Variants in UTP14C observed in about 807,000 individuals in gnomAD.
UTP14C encodes U3 small nucleolar RNA-associated protein 14 homolog C.
UTP14C carries 10 observed loss-of-function variants against 14.6 expected under a neutral mutation model. The observed-to-expected ratio is 0.68, with a 90% CI of 0.42 to 1.16. The LOEUF (loss-of-function observed/expected upper bound fraction) is 1.16, where lower values mean the gene tolerates loss of function less well. UTP14C is among the 50% of genes most tolerant of loss of function. The pLI is 0.00. For missense variants in UTP14C, 818 were observed against 890.8 expected, an observed-to-expected ratio of 0.92 and a Z score of 1.04; for synonymous variants, 315 against 331.6, an observed-to-expected ratio of 0.95 and a Z score of 0.54.
intron 1 of UTP14C, among the ~76,000 whole-genome samples, chr13:52,028,076 T>C (rs1009312011): frequency 6.6e-6 from 1 of 151,698 alleles, no homozygotes; most frequent in African/African-American, 2.4e-5. Flanking sequence ...CTGGGCAACA[T>C]AGTGAGACCC....
In UTP14C at chr13:52,031,155, T is replaced by G; in HGVS notation, c.*50T>G. On this transcript the variant is annotated 3_prime_UTR_variant, in exon 2 of 2. Coordinates refer to ENST00000521776, the MANE Select transcript of UTP14C (RefSeq NM_021645.6). ...TCAGGGGCCCTGATTCCACTTCCTT[T>G]GGTCCAGTTTTACTCTGCTACAGGG... is the stretch of plus-strand genomic sequence containing the variant. 1 of 1,560,534 alleles carries G rather than the reference T, an allele frequency of 6.4e-7. No individual in the cohort carries two copies.
At position 52,031,444 on chromosome 13, in the gene UTP14C, CT is replaced by C; in HGVS notation, c.*342del. The C allele has an allele frequency of 3.6e-6, 1 of 274,036 alleles. No individual in the cohort carries two copies. Among genetic ancestry groups the C allele is most frequent in the Non-Finnish European group, 7.4e-6 (1 of 135,724 alleles). The allele number at this position is 274,036 out of a possible 1,614,324, so 17.0% of individuals were successfully genotyped here. A position where few individuals can be genotyped will look rare whatever the true frequency, so the allele number is the denominator to read the frequency against. ...AGTCAAGAGGTGGGACTGACTGATGCTTTATAGGTGTGTGTAGGGTGGTAGA... is the reference window on the plus strand; with the variant it reads ...AGTCAAGAGGTGGGACTGACTGATGCTTATAGGTGTGTGTAGGGTGGTAGA... On this transcript the variant is annotated 3_prime_UTR_variant, in exon 2 of 2. Coordinates refer to ENST00000521776, the MANE Select transcript of UTP14C (RefSeq NM_021645.6).
In UTP14C at chr13:52,030,176, T is replaced by A. The variant is rs777246553; in HGVS notation, c.1372T>A (p.Leu458Met). The change falls in exon 2 of 2, where the codon TTG becomes ATG. Residue 458 changes from leucine to methionine, a missense_variant. By Grantham distance (15) the Leu-to-Met change is conservative. Coordinates refer to ENST00000521776, the MANE Select transcript of UTP14C (RefSeq NM_021645.6). ...TAGCAGCCAGGAGGTGCTGTCCGAA[T>A]TGAGGGCACTATCTCAGAAATTGAA... Reference protein sequence around the residue: ...DSSSQEVLSELRALSQKLKEK... With the variant: ...DSSSQEVLSEMRALSQKLKEK... The A allele has an allele frequency of 6.2e-7, 1 of 1,613,876 alleles. No homozygotes were observed.
chr13:52,031,340 AC>A lies in UTP14C; in HGVS notation c.*238del. On this transcript the variant is annotated 3_prime_UTR_variant, in exon 2 of 2. Transcript: ENST00000521776. The stretch of plus-strand genomic sequence containing the variant: ...TAAATTCTAAACAATACAGTGGATG[AC>A]CCTTTTGAATATACCTAATGATTTC... The A allele has an allele frequency of 1.7e-6, 1 of 590,018 alleles. No individual in the cohort carries two copies. The highest frequency in any genetic ancestry group is 2.9e-6 in the Non-Finnish European group (1 of 348,628). 36.5% of individuals were successfully genotyped at this position (590,018 alleles called of 1,614,324 possible).
At position 52,029,975 on chromosome 13, in the gene UTP14C, C is replaced by T. The variant is rs368642577; in HGVS notation, c.1171C>T (p.Pro391Ser). The T allele has an allele frequency of 7.4e-6, 12 of 1,614,020 alleles. No individual in the cohort carries two copies. In the East Asian group the frequency reaches 1.6e-4, roughly 21 times the overall value. Residue 391 changes from proline to serine, a missense_variant, in exon 2 of 2, where the codon CCT becomes TCT. By Grantham distance (74) the Pro-to-Ser change is moderately conservative. Transcript: ENST00000521776. Reference protein sequence around the residue: ...DTKEAATQEDPEQVPELAAHE... With the variant: ...DTKEAATQEDSEQVPELAAHE... ...CAAAGAGGCTGCAACACAGGAGGAC[C>T]CTGAGCAAGTGCCAGAGCTTGCAGC...
chr13:52,029,089 T>G lies in UTP14C; in HGVS notation c.285T>G (p.Thr95=). 6.2e-7 allele frequency: 1 copy of G among 1,614,246 alleles called. No homozygotes were observed. The highest frequency in any genetic ancestry group is 1.1e-5 in the South Asian group (1 of 91,088). ...GLADLLEPVK[T]SSSLATVKKQ... ...CAGATCTGCTTGAGCCCGTTAAAAC[T>G]TCATCTTCTTTGGCCACTGTAAAAA... The change falls in exon 2 of 2, where the codon ACT becomes ACG. Residue 95 remains threonine, a synonymous_variant. Coordinates refer to ENST00000521776, the MANE Select transcript of UTP14C (RefSeq NM_021645.6).
intron 1 of UTP14C, 111 bp from the exon 2 acceptor site, chr13:52,028,204 TTTAA>T (rs1954260100): frequency 8.2e-7 from 1 of 1,222,916 alleles, no homozygotes; most frequent in Non-Finnish European, 1.2e-6. Context: ...TAGACATACA[TTTAA>T]TTAAGTTTCT....
At position 52,032,401 on chromosome 13, in the gene UTP14C, T is replaced by A. The variant is rs1329689478; in HGVS notation, c.*1296T>A. The stretch of plus-strand genomic sequence containing the variant: ...CACCTTCTATCCTGAATAACTAGCA[T>A]GGAAAAGTGAATATATGTGTGAGCA... On this transcript the variant is annotated 3_prime_UTR_variant, in exon 2 of 2. Transcript: ENST00000521776. 6.0e-6 allele frequency: 1 copy of A among 167,050 alleles called. No homozygotes were observed. The highest frequency in any genetic ancestry group is 1.5e-5 in the Non-Finnish European group (1 of 68,120). 10.3% of individuals were successfully genotyped at this position (167,050 alleles called of 1,614,324 possible).
In UTP14C at chr13:52,028,996, T is replaced by C. The variant is rs137988059; in HGVS notation, c.192T>C (p.Ser64=). The change falls in exon 2 of 2, where the codon TCT becomes TCC. Residue 64 remains serine (S), a synonymous_variant. Coordinates refer to ENST00000521776, the MANE Select transcript of UTP14C (RefSeq NM_021645.6). ...ATAGGCGGAAATTGGCTGAGAGGTC[T>C]GAGGCTAGTCTGAAAGTGTCAGAGT... ...GKNRRKLAER[S]EASLKVSEFS... 55 of 1,614,140 alleles carry C rather than the reference T, an allele frequency of 3.4e-5. No homozygotes were observed. Among genetic ancestry groups the C allele is most frequent in the Admixed American group, 1.5e-4 (9 of 60,016 alleles).
rs1334803609 is a variant in UTP14C at position 52,029,376 on chromosome 13, T to C, written c.572T>C (p.Leu191Pro). Residue 191 changes from leucine (L) to proline (P), a missense_variant, in exon 2 of 2, where the codon CTC becomes CCC. Transcript: ENST00000521776. Reference protein sequence around the residue: ...TPLEQEIFNLLHKNKQPVTDP... With the variant: ...TPLEQEIFNLPHKNKQPVTDP... ...CTGGAGCAGGAAATTTTTAACCTCCTCCATAAGAACAAGCAGCCAGTGACA... is the reference window on the plus strand; with the variant it reads ...CTGGAGCAGGAAATTTTTAACCTCCCCCATAAGAACAAGCAGCCAGTGACA... 1 of 1,613,836 alleles carries C rather than the reference T, an allele frequency of 6.2e-7. No homozygotes were observed. Among genetic ancestry groups the C allele is most frequent in the East Asian group, 2.2e-5 (1 of 44,864 alleles).
chr13:52,025,196 G>A (rs985574982), intron 1 of UTP14C, among the ~76,000 whole-genome samples: 2 of 152,120 alleles, frequency 1.3e-5, no homozygotes, highest in South Asian at 4.1e-4. Context: ...TTCTAAACCC[G>A]TTTGATAGGT....
rs1283091806 is a variant in UTP14C at position 52,024,956 on chromosome 13, C to T, written c.-487+19C>T. 2 of 1,599,956 alleles carry T rather than the reference C, an allele frequency of 1.3e-6. No individual in the cohort carries two copies. The highest frequency in any genetic ancestry group is 1.1e-5 in the South Asian group (1 of 90,936). ...GGGATTGGTGAGTTTGGCCTTTAAA[C>T]AACTTGTTTGGTGCCATGAGATACA... On this transcript the variant is annotated intron_variant, in intron 1 of 1. Coordinates refer to ENST00000521776, the MANE Select transcript of UTP14C (RefSeq NM_021645.6).
chr13:52,026,238 G>C (rs970376670), intron 1 of UTP14C, among the ~76,000 whole-genome samples: 1 of 152,228 alleles, frequency 6.6e-6, no homozygotes, highest in Non-Finnish European at 1.5e-5. Context: ...ATAGAGGTTA[G>C]CCAGGAGAGA....
In UTP14C at chr13:52,033,176, A is replaced by G. The variant is rs1432698784; in HGVS notation, c.*2071A>G. On this transcript the variant is annotated 3_prime_UTR_variant, in exon 2 of 2. Transcript: ENST00000521776. ...TATTTTTTTCTGAATGATAGCATGA[A>G]AAGTGTCAAAGTGGTTTGTCCGCTA... 6.0e-6 allele frequency: 1 copy of G among 167,060 alleles called. No homozygotes were observed. Among genetic ancestry groups the G allele is most frequent in the African/African-American group, 2.4e-5 (1 of 41,436 alleles). 10.3% of individuals were successfully genotyped at this position (167,060 alleles called of 1,614,324 possible). A position where few individuals can be genotyped will look rare whatever the true frequency, so the allele number is the denominator to read the frequency against.
chr13:52,029,303 A>T lies in UTP14C; in HGVS notation c.499A>T (p.Ile167Phe). 6.2e-7 allele frequency: 1 copy of T among 1,614,164 alleles called. No homozygotes were observed. The highest frequency in any genetic ancestry group is 8.5e-7 in the Non-Finnish European group (1 of 1,180,012). Residue 167 changes from isoleucine (I) to phenylalanine (F), a missense_variant, in exon 2 of 2, where the codon ATT becomes TTT. Coordinates refer to ENST00000521776, the MANE Select transcript of UTP14C (RefSeq NM_021645.6). ...TCCCCTGGGGAAGGAGCAGCCAGCC[A>T]TTGCTCCCATTGAACATGCGCTCAG... ...VFPLGKEQPAIAPIEHALSGW... is the reference protein window; with the variant it reads ...VFPLGKEQPAFAPIEHALSGW...
At position 52,030,241 on chromosome 13, in the gene UTP14C, G is replaced by A; in HGVS notation, c.1437G>A (p.Glu479=). Residue 479 remains glutamate, a synonymous_variant, in exon 2 of 2, where the codon GAG becomes GAA. Coordinates refer to ENST00000521776, the MANE Select transcript of UTP14C (RefSeq NM_021645.6). ...HQSRKQKASS[E]GTVPQVQREE... is the part of the protein sequence containing the mutation. ...CCAGGAAGCAAAAAGCAAGTTCAGA[G>A]GGGACTGTTCCCCAGGTCCAGAGAG... 1 of 1,614,224 alleles carries A rather than the reference G, an allele frequency of 6.2e-7. No individual in the cohort carries two copies. Among genetic ancestry groups the A allele is most frequent in the Non-Finnish European group, 8.5e-7 (1 of 1,180,042 alleles).
In UTP14C at chr13:52,031,397, T is replaced by TAA; in HGVS notation, c.*293_*294dup. The stretch of plus-strand genomic sequence containing the variant: ...AAAAGAAATTTTAAACAGACTTGTT[T>TAA]AATCGTGTTCTCAAAGCATACAGTC... On this transcript the variant is annotated 3_prime_UTR_variant, in exon 2 of 2. Transcript: ENST00000521776. 1 of 380,744 alleles carries TAA rather than the reference T, an allele frequency of 2.6e-6. No individual in the cohort carries two copies. Among genetic ancestry groups the TAA allele is most frequent in the Non-Finnish European group, 4.9e-6 (1 of 204,656 alleles). 23.6% of individuals were successfully genotyped at this position (380,744 alleles called of 1,614,324 possible).
At position 52,030,932 on chromosome 13, in the gene UTP14C, A is replaced by T. The variant is rs781153694; in HGVS notation, c.2128A>T (p.Arg710Trp). 2 of 1,614,216 alleles carry T rather than the reference A, an allele frequency of 1.2e-6. No individual in the cohort carries two copies. Among genetic ancestry groups the T allele is most frequent in the African/African-American group, 2.7e-5 (2 of 75,054 alleles). ...TATAGGATCCACATGGAACACCCAGAGGGCTTTCCAAAAGCTGACTACTCC... is the reference window on the plus strand; with the variant it reads ...TATAGGATCCACATGGAACACCCAGTGGGCTTTCCAAAAGCTGACTACTCC... ...TPIGSTWNTQRAFQKLTTPKV... is the reference protein window; with the variant it reads ...TPIGSTWNTQWAFQKLTTPKV... Residue 710 changes from arginine to tryptophan, a missense_variant, in exon 2 of 2, where the codon AGG (arginine) becomes TGG (tryptophan). Coordinates refer to ENST00000521776, the MANE Select transcript of UTP14C (RefSeq NM_021645.6).
rs1281728953 is a variant in UTP14C at position 52,028,810 on chromosome 13, T to C, written c.6T>C (p.Asn2=). The part of the protein sequence containing the change: M[N]VNQVAENLAL... Reference sequence around the variant, plus strand: ...GAGAGAGGCTGGCTGCTGAGATGAATGTGAACCAGGTTGCAGAGAATCTGG... The same window carrying C: ...GAGAGAGGCTGGCTGCTGAGATGAACGTGAACCAGGTTGCAGAGAATCTGG... Residue 2 remains asparagine, a synonymous_variant, in exon 2 of 2, where the codon AAT becomes AAC. Coordinates refer to ENST00000521776, the MANE Select transcript of UTP14C (RefSeq NM_021645.6). 4.3e-6 allele frequency: 7 copies of C among 1,614,108 alleles called. No homozygotes were observed. Among genetic ancestry groups the C allele is most frequent in the East Asian group, 2.2e-5 (1 of 44,888 alleles).
Sources: allele counts gnomAD v4.1 joint callset (sites outside exome capture counted in the v4.1 genomes callset), GRCh38; gene constraint gnomAD v4.1.1; transcripts MANE v1.5; gene names NCBI Gene and HGNC (gene_info 2026-07-23, HGNC 2026-07-21).